Variants in CSMD1 observed in about 807,000 individuals in gnomAD.
The protein encoded by CSMD1 is CUB and sushi domain-containing protein 1.
In CSMD1, 213 loss-of-function variants were observed where a neutral mutation model predicts 417.5. The observed-to-expected ratio is 0.51, with a 90% CI of 0.46 to 0.57. CSMD1 has a LOEUF of 0.57. Among genes scored for constraint, CSMD1 ranks in the 20% least tolerant of loss-of-function variants. The pLI, the probability that CSMD1 is intolerant of heterozygous loss-of-function variation, is 0.00. For missense variants in CSMD1, 6,923 were observed against 4,529.7 expected, an observed-to-expected ratio of 1.53 and a Z score of -15.17; for synonymous variants, 2,862 against 1,736.8, an observed-to-expected ratio of 1.65 and a Z score of -16.11.
At chr8:3,950,428 G>A (rs1585020046) in intron 5 of CSMD1, among the ~76,000 whole-genome samples, 1 of 152,270 alleles carries the variant, frequency 6.6e-6, no homozygotes, top group Admixed American at 6.5e-5. Flanking sequence ...GCAGAAGAGA[G>A]GTTCTTCTGG....
intron 5 of CSMD1, among the ~76,000 whole-genome samples, chr8:3,863,116 G>A (rs907383915): frequency 1.3e-5 from 2 of 152,142 alleles, no homozygotes; most frequent in African/African-American, 2.4e-5. Flanking sequence ...AAGGTGCGAA[G>A]GTCGGGCGCG....
intron 5 of CSMD1, among the ~76,000 whole-genome samples, chr8:3,958,263 T>C (rs891723249): frequency 1.3e-5 from 2 of 151,908 alleles, no homozygotes; most frequent in Admixed American, 6.6e-5. Flanking sequence ...TTTGTAATAT[T>C]ACAATGTGGT....
rs564506704 is a variant in CSMD1 at position 3,606,182 on chromosome 8, G to C, written c.1097+10528C>G. Among the ~76,000 whole-genome samples, 18 of 152,298 alleles carry C rather than the reference G, an allele frequency of 1.2e-4. No individual in the cohort carries two copies. The South Asian group carries it at 3.7e-3, about 32-fold the overall frequency. The stretch of plus-strand genomic sequence containing the variant: ...GAAGCCAACCGTGTGGGTGGGGGAG[G>C]ACAGAGATGGGCCAAGGTGCAGTCA... On this transcript the variant is annotated intron_variant, in intron 8 of 69. Transcript: ENST00000635120.
intron 10 of CSMD1, among the ~76,000 whole-genome samples, chr8:3,521,405 C>T (rs984665378): frequency 6.6e-6 from 1 of 152,178 alleles, no homozygotes; most frequent in Non-Finnish European, 1.5e-5. Flanking sequence ...TTCAGTGCCA[C>T]CATTTCCATG....
At chr8:3,606,324 C>T (rs1218434175) in intron 8 of CSMD1, among the ~76,000 whole-genome samples, 3 of 152,098 alleles carry the variant, frequency 2.0e-5, no homozygotes, top group Non-Finnish European at 4.4e-5. Flanking sequence ...TGATACACAG[C>T]TGGGCTTCAT....
rs1182912586 is a variant in CSMD1 at position 4,980,590 on chromosome 8, G to A, written c.85+13742C>T. Among the ~76,000 whole-genome samples the A allele has an allele frequency of 3.3e-5, 5 of 152,294 alleles. 1 individual carries two copies. In the Middle Eastern group the frequency reaches 0.014, roughly 414 times the overall value. On this transcript the variant is annotated intron_variant, in intron 1 of 69. Coordinates refer to ENST00000635120, the MANE Select transcript of CSMD1 (RefSeq NM_033225.6). ...ATGAGAGACTTGAATTTGTGAACTG[G>A]AAGGTCACTTTGAATTCAAAAATCT...
At chr8:4,612,926 T>C (rs1391690042) in intron 2 of CSMD1, among the ~76,000 whole-genome samples, 2 of 152,170 alleles carry the variant, frequency 1.3e-5, no homozygotes, top group Non-Finnish European at 2.9e-5. Context: ...TTTTATGTAC[T>C]AATTATGGGA....
intron 10 of CSMD1, among the ~76,000 whole-genome samples, chr8:3,569,205 G>C (rs1361781711): frequency 1.3e-5 from 2 of 152,110 alleles, no homozygotes; most frequent in African/African-American, 2.4e-5. Flanking sequence ...GAAAATGCTA[G>C]TTTCTTCTAA....
At chr8:4,437,070 G>C (rs1585072787) in intron 2 of CSMD1, among the ~76,000 whole-genome samples, 1 of 152,216 alleles carries the variant, frequency 6.6e-6, no homozygotes, top group Non-Finnish European at 1.5e-5. Flanking sequence ...AATGGGACAG[G>C]CTATGGAAGA....
chr8:3,072,110 G>C (rs776766157), intron 49 of CSMD1, among the ~76,000 whole-genome samples: 1 of 152,316 alleles, frequency 6.6e-6, no homozygotes, highest in South Asian at 2.1e-4. Context: ...AGGTTCAAGA[G>C]TAAGAGTGAA....
At chr8:4,798,382 G>A (rs533496822) in intron 1 of CSMD1, among the ~76,000 whole-genome samples, 1 of 152,080 alleles carries the variant, frequency 6.6e-6, no homozygotes, top group Non-Finnish European at 1.5e-5. Context: ...TGGTGTATAT[G>A]TGCATTTTTA....
At chr8:3,457,014 A>G (rs1168821761) in intron 12 of CSMD1, among the ~76,000 whole-genome samples, 3 of 151,016 alleles carry the variant, frequency 2.0e-5, no homozygotes, top group Admixed American at 6.6e-5. Context: ...TCCCTTGCAC[A>G]TCTCATCCTG....
chr8:4,857,865 A>G (rs1425854905), intron 1 of CSMD1, among the ~76,000 whole-genome samples: 1 of 151,850 alleles, frequency 6.6e-6, no homozygotes, highest in Non-Finnish European at 1.5e-5. Context: ...TTCCTTCTGA[A>G]ACTATTCCAA....
At chr8:4,711,643 AG>A (rs1808305665) in intron 1 of CSMD1, among the ~76,000 whole-genome samples, 1 of 144,966 alleles carries the variant, frequency 6.9e-6, no homozygotes, top group African/African-American at 2.6e-5. Flanking sequence ...CGGAAAAGCC[AG>A]GAATACTTCT....
intron 6 of CSMD1, among the ~76,000 whole-genome samples, chr8:3,713,163 C>T (rs1444473738): frequency 6.6e-6 from 1 of 151,922 alleles, no homozygotes. Context: ...AATCAAAAAC[C>T]ACCACAATAA....
intron 18 of CSMD1, among the ~76,000 whole-genome samples, chr8:3,374,966 G>T (rs1810213223): frequency 1.3e-5 from 2 of 152,170 alleles, no homozygotes; most frequent in Admixed American, 6.5e-5. Context: ...GGCAGTTGAA[G>T]CACGCAGACA....
intron 3 of CSMD1, among the ~76,000 whole-genome samples, chr8:4,305,070 G>A (rs533260100): frequency 1.3e-5 from 2 of 152,204 alleles, no homozygotes; most frequent in South Asian, 2.1e-4. Context: ...ATTCGTTTTA[G>A]GGCACAGAAT....
intron 2 of CSMD1, among the ~76,000 whole-genome samples, chr8:4,466,103 C>T (rs906801092): frequency 6.6e-6 from 1 of 152,144 alleles, no homozygotes; most frequent in Admixed American, 6.6e-5. Flanking sequence ...ATGACACCAG[C>T]TCTCGAGTAA....
intron 9 of CSMD1, among the ~76,000 whole-genome samples, chr8:3,580,033 G>A (rs961353803): frequency 6.6e-6 from 1 of 152,128 alleles, no homozygotes. Flanking sequence ...GAGCTAGGGA[G>A]GTGGAAGTTG....
Sources: allele counts gnomAD v4.1 joint callset (sites outside exome capture counted in the v4.1 genomes callset), GRCh38; gene constraint gnomAD v4.1.1; transcripts MANE v1.5; gene names NCBI Gene and HGNC (gene_info 2026-07-23, HGNC 2026-07-21).